The following DNASE1 variants were observed in gnomAD, a reference collection of about 807,000 sequenced individuals.
DNASE1 encodes the protein deoxyribonuclease-1.
In DNASE1, 40 loss-of-function variants were observed where a neutral mutation model predicts 33.9. The observed-to-expected ratio is 1.18, with a 90% CI of 0.92 to 1.54. DNASE1 has a LOEUF of 1.54. Among genes scored for constraint, DNASE1 ranks in the 40% most tolerant of loss-of-function variants. The pLI is 0.00. For synonymous variants in DNASE1, 216 were observed against 160.0 expected (o/e 1.35, Z -2.64); for missense variants, 518 against 372.6 (o/e 1.39, Z -3.21).
At chr16:3,636,830 G>GAA (rs564744420) in intron 1 of DNASE1, among the ~76,000 whole-genome samples, 1 of 146,572 alleles carries the variant, frequency 6.8e-6, no homozygotes, top group Non-Finnish European at 1.5e-5. Flanking sequence ...GGGAAAAAAA[G>GAA]AAAAAAAAAC....
chr16:3,618,142 G>C (rs532991683), intron 1 of DNASE1, among the ~76,000 whole-genome samples: 5 of 150,416 alleles, frequency 3.3e-5, no homozygotes, highest in East Asian at 1.9e-4. Flanking sequence ...AAGAGTGGCA[G>C]GTGCCAACAA....
At chr16:3,645,001 A>G (rs1026778084) in intron 1 of DNASE1, among the ~76,000 whole-genome samples, 5 of 151,790 alleles carry the variant, frequency 3.3e-5, no homozygotes, top group Admixed American at 3.3e-4. Context: ...CTGGTGGCGC[A>G]TGCCTGTGGT....
exon 10 of DNASE1, chr16:3,664,124 C>A (rs751496020): frequency 1.2e-4 from 94 of 797,498 alleles, no homozygotes; most frequent in Admixed American, 3.6e-4. Context: ...ACAGCCGTCA[C>A]AGTCGGTCCG....
In DNASE1 at chr16:3,655,899, CCTGA is replaced by C; in HGVS notation, c.202_205del (p.Thr68ProfsTer95). ...TGGTCCAGGAGGTCAGAGACAGCCA[CCTGA>C]CTGCCGTGGGGAAGCTGCTGGACAA... is the stretch of plus-strand genomic sequence containing the variant. On this transcript the variant is annotated frameshift_variant, in exon 3 of 9. Transcript: ENST00000246949. LOFTEE classifies it high-confidence loss of function. 1 of 1,614,066 alleles carries C rather than the reference CCTGA, an allele frequency of 6.2e-7. No individual in the cohort carries two copies. The highest frequency in any genetic ancestry group is 8.5e-7 in the Non-Finnish European group (1 of 1,180,018).
downstream of DNASE1, chr16:3,661,980 G>A: frequency 1.9e-6 from 3 of 1,597,360 alleles, no homozygotes; most frequent in Non-Finnish European, 2.6e-6. Context: ...CAGGAGCGTG[G>A]CCTCACCTGG....
upstream of DNASE1, among the ~76,000 whole-genome samples, chr16:3,650,033 C>T (rs2042285571): frequency 6.6e-6 from 1 of 152,092 alleles, no homozygotes; most frequent in South Asian, 2.1e-4. Context: ...CTTGCTCCCG[C>T]TAAGTGGCGA....
intron 1 of DNASE1, among the ~76,000 whole-genome samples, chr16:3,626,109 G>T (rs751115339): frequency 6.6e-5 from 10 of 151,926 alleles, no homozygotes; most frequent in Non-Finnish European, 8.8e-5. Context: ...CAAAAAGGGT[G>T]TAAAGATACC....
intron 1 of DNASE1, among the ~76,000 whole-genome samples, chr16:3,613,819 G>C (rs1237016534): frequency 6.6e-6 from 1 of 151,640 alleles, no homozygotes; most frequent in African/African-American, 2.4e-5. Flanking sequence ...AGTGGTGTGT[G>C]CAACCTCCAC....
chr16:3,619,043 T>C (rs1203009043), intron 1 of DNASE1, among the ~76,000 whole-genome samples: 1 of 151,992 alleles, frequency 6.6e-6, no homozygotes, highest in African/African-American at 2.4e-5. Context: ...TGGGTAATTT[T>C]TTTTTTTTTG....
In DNASE1 at chr16:3,627,179, C is replaced by T. The variant is rs78769745; in HGVS notation, c.-1358-13536C>T. 1.0e-2 allele frequency among the ~76,000 whole-genome samples: 1,514 copies of T among 151,970 alleles called. 32 individuals carry two copies. Among genetic ancestry groups the T allele is most frequent in the African/African-American group, 0.034 (1,417 of 41,440 alleles). On this transcript the variant is annotated intron_variant and NMD_transcript_variant, in intron 1 of 11. Coordinates refer to the DNASE1 transcript ENST00000570769. The stretch of plus-strand genomic sequence containing the variant: ...AGCCACTGCACCCAGCCCTCTTTAT[C>T]ACTGGTAATTTTCTTTGCTATGAAG...
chr16:3,612,135 C>G (rs1357495351), intron 1 of DNASE1: 2 of 152,490 alleles, frequency 1.3e-5, no homozygotes, highest in African/African-American at 4.8e-5. Context: ...TGAAGCCAGC[C>G]AGGGCCTGGG....
At chr16:3,652,119 G>T (rs1007243555), upstream of DNASE1, 3 of 152,444 alleles carry the variant, frequency 2.0e-5, no homozygotes, top group Non-Finnish European at 4.4e-5. Flanking sequence ...CCAAGTTCCA[G>T]CCTTCCTTCT....
chr16:3,637,341 C>G (rs985635135), intron 1 of DNASE1, among the ~76,000 whole-genome samples: 1 of 152,128 alleles, frequency 6.6e-6, no homozygotes, highest in African/African-American at 2.4e-5. Context: ...GTTCTATTCT[C>G]TTGTTATTAT....
At chr16:3,663,522 A>G in exon 10 of DNASE1, 1 of 1,614,146 alleles carries the variant, frequency 6.2e-7, no homozygotes, top group South Asian at 1.1e-5. Flanking sequence ...ACGAAGGTGC[A>G]GCAGGGTGAG....
chr16:3,656,545 C>T (rs949815707), intron 4 of DNASE1, 93 bp from the exon 5 acceptor site: 2 of 1,042,798 alleles, frequency 1.9e-6, no homozygotes, highest in Non-Finnish European at 2.9e-6. Context: ...CCCCGCCCTC[C>T]TGTCGCCTGG....
chr16:3,662,102 T>C (rs1245215356), downstream of DNASE1: 2 of 1,613,068 alleles, frequency 1.2e-6, no homozygotes, highest in East Asian at 2.2e-5. Flanking sequence ...ACGGTGACCA[T>C]GGCAGGGTGG....
chr16:3,657,029 A>G lies in DNASE1; in HGVS notation c.467A>G (p.His156Arg). The G allele has an allele frequency of 6.2e-7, 1 of 1,613,824 alleles. No individual in the cohort carries two copies. Among genetic ancestry groups the G allele is most frequent in the East Asian group, 2.2e-5 (1 of 44,876 alleles). ...AGGGAGTTTGCCATTGTTCCCCTGC[A>G]TGCGGCCCCGGGGGACGCAGTAGCC... is the stretch of plus-strand genomic sequence containing the variant. ...EVREFAIVPL[H>R]AAPGDAVAEI... The change falls in exon 6 of 9, where the codon CAT (histidine) becomes CGT (arginine). Residue 156 changes from histidine (H) to arginine (R), a missense_variant. Physicochemically the swap from His to Arg is conservative, Grantham distance 29. Coordinates refer to ENST00000246949, the MANE Select transcript of DNASE1 (RefSeq NM_005223.4).
upstream of DNASE1, among the ~76,000 whole-genome samples, chr16:3,638,138 TG>T (rs1463034830): frequency 6.6e-6 from 1 of 151,462 alleles, no homozygotes; most frequent in Admixed American, 6.6e-5. Context: ...TGTGTGTGTG[TG>T]TTTTTCCCAG....
chr16:3,663,016 C>A (rs778115978), downstream of DNASE1: 1 of 1,476,084 alleles, frequency 6.8e-7, no homozygotes, highest in African/African-American at 1.4e-5. Context: ...CCCAACTCCC[C>A]GGCTTCCATG....
Sources: allele counts gnomAD v4.1 joint callset (sites outside exome capture counted in the v4.1 genomes callset), GRCh38; gene constraint gnomAD v4.1.1; transcripts MANE v1.5; gene names NCBI Gene and HGNC (gene_info 2026-07-23, HGNC 2026-07-21).